Variants in TRAK1 observed in about 807,000 individuals in gnomAD.
TRAK1 encodes the protein trafficking kinesin-binding protein 1.
TRAK1 carries 33 observed loss-of-function variants against 92.1 expected under a neutral mutation model. The observed-to-expected ratio is 0.36, with a 90% CI of 0.27 to 0.48. TRAK1 has a LOEUF of 0.48. Ranked by LOEUF, TRAK1 falls within the 20% of genes least tolerant of loss-of-function variation. The pLI, the probability that TRAK1 is intolerant of heterozygous loss-of-function variation, is 0.99. For synonymous variants in TRAK1, 521 were observed against 517.3 expected (o/e 1.01, Z -0.10); for missense variants, 1,123 against 1,257.9 (o/e 0.89, Z 1.62).
intron 1 of TRAK1, among the ~76,000 whole-genome samples, chr3:42,028,649 T>G (rs1444722675): frequency 2.0e-5 from 3 of 152,072 alleles, no homozygotes; most frequent in Non-Finnish European, 4.4e-5. Flanking sequence ...GCAGAGGCCT[T>G]GGTGAGAAGG....
In TRAK1 at chr3:42,176,897, G is replaced by A. The variant is rs779808745; in HGVS notation, c.363+7G>A. On this transcript the variant is annotated splice_region_variant and intron_variant, in intron 3 of 15. Transcript: ENST00000327628. ...CACTCGGCTTCTTGAGGAGGTAAGT[G>A]CTCCAGGGGAAGGCAAAAGAGTTGT... is the stretch of plus-strand genomic sequence containing the variant. 1.2e-6 allele frequency: 2 copies of A among 1,613,582 alleles called. No homozygotes were observed. Among genetic ancestry groups the A allele is most frequent in the African/African-American group, 1.3e-5 (1 of 74,920 alleles).
chr3:42,162,321 C>T (rs1344796406), intron 2 of TRAK1, among the ~76,000 whole-genome samples: 11 of 151,110 alleles, frequency 7.3e-5, no homozygotes, highest in Non-Finnish European at 1.3e-4. Context: ...AAATATATGA[C>T]GAGAGAGAGA....
intron 1 of TRAK1, among the ~76,000 whole-genome samples, chr3:42,050,747 TC>T (rs1702946574): frequency 6.6e-6 from 1 of 152,184 alleles, no homozygotes. Flanking sequence ...AACCTCCACT[TC>T]CTGGGTTCAA....
chr3:42,073,408 A>C (rs557076216), intron 1 of TRAK1, among the ~76,000 whole-genome samples: 1 of 152,200 alleles, frequency 6.6e-6, no homozygotes, highest in African/African-American at 2.4e-5. Context: ...GCAGTTTTCC[A>C]GTGATCAGAA....
At chr3:42,024,621 G>A (rs6792994) in intron 1 of TRAK1, among the ~76,000 whole-genome samples, 357 of 152,326 alleles carry the variant, frequency 2.3e-3, no homozygotes, top group African/African-American at 8.2e-3. Context: ...CTGTTTAACA[G>A]TAGATGAAGT....
chr3:42,018,690 A>C (rs539511392), intron 1 of TRAK1, among the ~76,000 whole-genome samples: 1 of 152,336 alleles, frequency 6.6e-6, no homozygotes, highest in African/African-American at 2.4e-5. Flanking sequence ...TTCCTCCTTA[A>C]TGACTAGAAT....
intron 11 of TRAK1, 107 bp from the exon 12 acceptor site, chr3:42,200,711 C>A: frequency 9.0e-7 from 1 of 1,109,580 alleles, no homozygotes; most frequent in Non-Finnish European, 1.4e-6. Flanking sequence ...CTGGGGGACT[C>A]GTCATAGGCC....
intron 11 of TRAK1, among the ~76,000 whole-genome samples, chr3:42,200,053 C>A (rs989182379): frequency 6.6e-6 from 1 of 152,202 alleles, no homozygotes; most frequent in East Asian, 1.9e-4. Context: ...TTGTACTTAA[C>A]CTGCCCCAAG....
chr3:42,217,758 G>T, intron 14 of TRAK1: 1 of 985,098 alleles, frequency 1.0e-6, no homozygotes, highest in Non-Finnish European at 1.2e-6. Context: ...CTGTTATTTG[G>T]GATGCTCTTC....
rs778463899 is a variant in TRAK1, at chr3:42,188,126, G to C, written c.562G>C (p.Glu188Gln). Residue 188 changes from glutamate to glutamine, a missense_variant, in exon 5 of 16, where the codon GAG becomes CAG. Glu to Gln is a conservative substitution (Grantham distance 29). Transcript: ENST00000327628. ...YTSAAEESEP[E>Q]SVCSTPLKRN... ...CAGCGCTGCGGAGGAGAGTGAGCCC[G>C]AGTCCGTTTGCTCAACCCCGTAAGT... is the stretch of plus-strand genomic sequence containing the variant. The C allele has an allele frequency of 1.2e-6, 2 of 1,614,060 alleles. No homozygotes were observed. Among genetic ancestry groups the C allele is most frequent in the Non-Finnish European group, 1.7e-6 (2 of 1,180,016 alleles).
At chr3:42,027,261 C>T (rs1015191532) in intron 1 of TRAK1, among the ~76,000 whole-genome samples, 3 of 152,156 alleles carry the variant, frequency 2.0e-5, no homozygotes, top group Admixed American at 6.6e-5. Flanking sequence ...TGGTGGCTCA[C>T]GCCTGTAATC....
intron 2 of TRAK1, among the ~76,000 whole-genome samples, chr3:42,158,961 AAATAATAATAAT>A (rs4016239): frequency 5.8e-4 from 82 of 140,172 alleles, no homozygotes; most frequent in Middle Eastern, 7.4e-3. Flanking sequence ...TCTGTCTCAA[AAATAATAATAAT>A]AATAATAATA....
intron 1 of TRAK1, among the ~76,000 whole-genome samples, chr3:42,020,947 C>G (rs1398996419): frequency 2.0e-5 from 3 of 151,926 alleles, no homozygotes; most frequent in South Asian, 2.1e-4. Flanking sequence ...GTGGGCCTTG[C>G]CTGCACTGAA....
chr3:42,130,864 T>C (rs1249554457), intron 2 of TRAK1, among the ~76,000 whole-genome samples: 1 of 152,152 alleles, frequency 6.6e-6, no homozygotes, highest in Non-Finnish European at 1.5e-5. Context: ...GCGGGGTGCA[T>C]TGACTTGCTA....
chr3:42,014,964 G>T (rs1460966405), intron 1 of TRAK1, among the ~76,000 whole-genome samples: 1 of 152,168 alleles, frequency 6.6e-6, no homozygotes, highest in Non-Finnish European at 1.5e-5. Flanking sequence ...ATAGGGAAAC[G>T]GTCTAGTTCC....
chr3:42,058,172 T>C (rs1576203019), intron 1 of TRAK1, among the ~76,000 whole-genome samples: 1 of 152,316 alleles, frequency 6.6e-6, no homozygotes, highest in South Asian at 2.1e-4. Flanking sequence ...TGGAACCTCC[T>C]CATCTTTAAA....
At chr3:42,039,155 A>G (rs1185285329) in intron 1 of TRAK1, among the ~76,000 whole-genome samples, 5 of 152,094 alleles carry the variant, frequency 3.3e-5, no homozygotes, top group Non-Finnish European at 7.4e-5. Context: ...CCTATTTTGG[A>G]CATTTCATGT....
At chr3:42,050,451 A>T (rs907173576) in intron 1 of TRAK1, among the ~76,000 whole-genome samples, 1 of 152,042 alleles carries the variant, frequency 6.6e-6, no homozygotes, top group East Asian at 1.9e-4. Context: ...ATTCTCCCTT[A>T]CTACCCTCCA....
chr3:42,125,228 G>A (rs1388592949), intron 1 of TRAK1, among the ~76,000 whole-genome samples, 192 bp from the exon 2 acceptor site: 4 of 152,228 alleles, frequency 2.6e-5, no homozygotes, highest in Non-Finnish European at 4.4e-5. Context: ...GGTCTTGGCC[G>A]TAAGCATGCA....
Sources: gnomAD v4.1 joint callset for allele counts (sites outside exome capture counted in the v4.1 genomes callset) on GRCh38, gnomAD v4.1.1 for gene constraint, MANE v1.5 for transcripts, NCBI Gene and HGNC (gene_info 2026-07-23, HGNC 2026-07-21) for gene names.